The following DIP2C variants were observed in gnomAD, a reference collection of about 807,000 sequenced individuals.
The protein encoded by DIP2C is DIP2 acetate--CoA ligase C (putative), also known as disco-interacting protein 2 homolog C.
A neutral mutation model predicts 192.4 loss-of-function variants in DIP2C; 33 were observed. The observed-to-expected ratio is 0.17, with a 90% CI of 0.13 to 0.23. The LOEUF is 0.23. Ranked by LOEUF, DIP2C falls within the 10% of genes least tolerant of loss-of-function variation. DIP2C has a pLI of 1.00. For synonymous variants in DIP2C, 979 were observed against 864.1 expected, an observed-to-expected ratio of 1.13 and a Z score of -2.33; for missense variants, 1,537 against 2,110.1, an observed-to-expected ratio of 0.73 and a Z score of 5.32.
chr10:423,501 C>T (rs1332780701), intron 4 of DIP2C, among the ~76,000 whole-genome samples: 1 of 152,204 alleles, frequency 6.6e-6, no homozygotes, highest in Non-Finnish European at 1.5e-5. Context: ...GTTAGATACC[C>T]ATGCAGCTGA....
intron 35 of DIP2C, chr10:282,027 T>G (rs1954859418): frequency 6.6e-6 from 1 of 152,526 alleles, no homozygotes; most frequent in Admixed American, 6.5e-5. Flanking sequence ...ACATCAGAGT[T>G]AAGTATTTTC....
intron 3 of DIP2C, 128 bp from the exon 4 acceptor site, chr10:441,124 G>C (rs1967694204): frequency 1.8e-6 from 2 of 1,099,112 alleles, no homozygotes; most frequent in Non-Finnish European, 2.5e-6. Flanking sequence ...GGGTGGGCGA[G>C]GAAAGAAAAT....
At chr10:436,320 T>C (rs534045922) in intron 4 of DIP2C, among the ~76,000 whole-genome samples, 2 of 152,362 alleles carry the variant, frequency 1.3e-5, no homozygotes, top group African/African-American at 4.8e-5. Context: ...TCGGAAGCTT[T>C]CCAGCTCTTG....
intron 1 of DIP2C, among the ~76,000 whole-genome samples, chr10:570,454 G>A (rs1379424703): frequency 1.3e-5 from 2 of 152,096 alleles, no homozygotes; most frequent in Non-Finnish European, 2.9e-5. Context: ...TGCATGAATT[G>A]CTACCATTCC....
At chr10:330,330 G>A (rs1039507438) in intron 29 of DIP2C, among the ~76,000 whole-genome samples, 3 of 141,828 alleles carry the variant, frequency 2.1e-5, no homozygotes, top group African/African-American at 7.9e-5. Flanking sequence ...AACAGATTTA[G>A]AGAAATGAAA....
chr10:639,883 G>T (rs535219921), intron 1 of DIP2C, among the ~76,000 whole-genome samples: 1 of 152,304 alleles, frequency 6.6e-6, no homozygotes, highest in South Asian at 2.1e-4. Flanking sequence ...TGCTTAAAGC[G>T]TATTTCCAGA....
At chr10:467,001 A>G (rs1179719758) in intron 3 of DIP2C, among the ~76,000 whole-genome samples, 3 of 150,830 alleles carry the variant, frequency 2.0e-5, no homozygotes, top group Non-Finnish European at 4.4e-5. Flanking sequence ...TAGAACTAGA[A>G]ATACCATTTG....
At chr10:669,897 T>G (rs1857337868) in intron 1 of DIP2C, among the ~76,000 whole-genome samples, 1 of 152,264 alleles carries the variant, frequency 6.6e-6, no homozygotes, top group Non-Finnish European at 1.5e-5. Flanking sequence ...AACACTATCT[T>G]TGTTTTGGAA....
chr10:685,650 T>A (rs950341173), intron 1 of DIP2C, among the ~76,000 whole-genome samples: 9 of 152,092 alleles, frequency 5.9e-5, no homozygotes, highest in African/African-American at 1.7e-4. Flanking sequence ...CAATCTTTTT[T>A]AAAATAATAA....
chr10:286,166 C>T lies in DIP2C; in HGVS notation c.4119+107G>A, dbSNP rs909336913. On this transcript the variant is annotated intron_variant, in intron 34 of 36. Transcript: ENST00000280886. ...GCAATCATAACTCACTCAGCTCAAACCGGTGTGTGGCAGATGGAGGGCATG... is the reference window on the plus strand; with the variant it reads ...GCAATCATAACTCACTCAGCTCAAATCGGTGTGTGGCAGATGGAGGGCATG... The T allele has an allele frequency of 4.9e-6, 5 of 1,028,402 alleles. No homozygotes were observed. The African/African-American group carries it at 6.3e-5, about 13-fold the overall frequency. The allele number at this position is 1,028,402 out of a possible 1,614,324, so 63.7% of individuals were successfully genotyped here.
At chr10:586,216 AAC>A (rs1021198482) in intron 1 of DIP2C, among the ~76,000 whole-genome samples, 9 of 152,332 alleles carry the variant, frequency 5.9e-5, no homozygotes, top group African/African-American at 1.2e-4. Context: ...AGAAAATGGA[AAC>A]ACACATGGGA....
chr10:499,810 A>C (rs956531598), intron 1 of DIP2C, among the ~76,000 whole-genome samples: 2 of 152,170 alleles, frequency 1.3e-5, no homozygotes, highest in African/African-American at 4.8e-5. Context: ...CTTTACTAAC[A>C]CCATTTTAAA....
At chr10:644,877 A>G (rs1169650611) in intron 1 of DIP2C, among the ~76,000 whole-genome samples, 1 of 152,272 alleles carries the variant, frequency 6.6e-6, no homozygotes, top group African/African-American at 2.4e-5. Context: ...TCTGTGAAAC[A>G]AGAACAAAAG....
intron 1 of DIP2C, among the ~76,000 whole-genome samples, chr10:617,167 G>GC (rs907088415): frequency 1.2e-4 from 9 of 74,768 alleles, no homozygotes; most frequent in African/African-American, 1.8e-4. Context: ...CTTATTTCCT[G>GC]CCCCCCGCCC....
chr10:332,098 A>G (rs1041699723), intron 29 of DIP2C, among the ~76,000 whole-genome samples: 2 of 152,086 alleles, frequency 1.3e-5, no homozygotes, highest in African/African-American at 4.8e-5. Context: ...CTAGAGGCAC[A>G]TACCACCATG....
intron 1 of DIP2C, among the ~76,000 whole-genome samples, chr10:579,089 C>T (rs1850387589): frequency 1.3e-5 from 2 of 152,122 alleles, no homozygotes; most frequent in African/African-American, 2.4e-5. Context: ...AGCATACACA[C>T]ATGCAGATCC....
chr10:670,291 T>C (rs1335900018), intron 1 of DIP2C, among the ~76,000 whole-genome samples: 1 of 152,024 alleles, frequency 6.6e-6, no homozygotes. Context: ...CACGTACACA[T>C]GCACACACAT....
rs1564824615 is a variant in DIP2C, at chr10:532,643, ATGGGTG to A, written c.86-46119_86-46114del. On this transcript the variant is annotated intron_variant, in intron 1 of 36. Coordinates refer to ENST00000280886, the MANE Select transcript of DIP2C (RefSeq NM_014974.3). ...AGAGAGTATGGGTGTGAGAGAGAGT[ATGGGTG>A]TGAGAGAGAGTATGGGTGTGAGAGA... 4.0e-3 allele frequency among the ~76,000 whole-genome samples: 347 copies of A among 86,696 alleles called. 30 individuals carry two copies. The highest frequency in any genetic ancestry group is 0.017 in the African/African-American group (313 of 18,072). The allele number at this position is 86,696 out of a possible 152,430, so 56.9% of individuals were successfully genotyped here. A position where few individuals can be genotyped will look rare whatever the true frequency, so the allele number is the denominator to read the frequency against.
At chr10:528,560 T>C (rs1265127014) in intron 1 of DIP2C, among the ~76,000 whole-genome samples, 1 of 152,176 alleles carries the variant, frequency 6.6e-6, no homozygotes, top group African/African-American at 2.4e-5. Context: ...TTTGTGCACT[T>C]ATCACACAAC....
Sources: allele counts gnomAD v4.1 joint callset (sites outside exome capture counted in the v4.1 genomes callset), GRCh38; gene constraint gnomAD v4.1.1; transcripts MANE v1.5; gene names NCBI Gene and HGNC (gene_info 2026-07-23, HGNC 2026-07-21).